Variants in OTUD7A observed in about 807,000 individuals in gnomAD.
OTUD7A encodes OTU deubiquitinase 7A, also known as OTU domain-containing protein 7A.
In OTUD7A, 12 loss-of-function variants were observed where a neutral mutation model predicts 65.7. The observed-to-expected ratio is 0.18, with a 90% CI of 0.12 to 0.30. The LOEUF is 0.30. Ranked by LOEUF, OTUD7A falls within the 10% of genes least tolerant of loss-of-function variation. The pLI is 1.00. For synonymous variants in OTUD7A, 641 were observed against 586.3 expected (o/e 1.09, Z -1.35); for missense variants, 1,148 against 1,304.8 (o/e 0.88, Z 1.85).
chr15:31,782,851 T>G (rs1270509754), intron 1 of OTUD7A, among the ~76,000 whole-genome samples: 1 of 151,888 alleles, frequency 6.6e-6, no homozygotes, highest in Non-Finnish European at 1.5e-5. Context: ...GGATCAGAGG[T>G]CCCTGTGGAA....
At chr15:31,598,398 G>A (rs556080759) in intron 3 of OTUD7A, among the ~76,000 whole-genome samples, 2 of 152,222 alleles carry the variant, frequency 1.3e-5, no homozygotes, top group East Asian at 3.9e-4. Flanking sequence ...AAGTACAAGG[G>A]GTCGGGGAAT....
intron 1 of OTUD7A, among the ~76,000 whole-genome samples, chr15:31,660,375 G>A (rs1892128547): frequency 6.6e-6 from 1 of 152,224 alleles, no homozygotes; most frequent in African/African-American, 2.4e-5. Context: ...AGGGCAGAAA[G>A]GCTTCTGTGG....
chr15:31,582,679 T>C (rs1476198760), intron 3 of OTUD7A, among the ~76,000 whole-genome samples: 1 of 152,202 alleles, frequency 6.6e-6, no homozygotes, highest in African/African-American at 2.4e-5. Flanking sequence ...TGGGGAAAAC[T>C]GCCCTCATGA....
chr15:31,777,715 C>T (rs986757467), intron 1 of OTUD7A, among the ~76,000 whole-genome samples: 3 of 152,194 alleles, frequency 2.0e-5, no homozygotes, highest in Non-Finnish European at 2.9e-5. Flanking sequence ...GAAGAGATCT[C>T]ATGGCAGCCC....
At chr15:31,791,433 T>C (rs1033079670) in intron 1 of OTUD7A, among the ~76,000 whole-genome samples, 3 of 152,186 alleles carry the variant, frequency 2.0e-5, no homozygotes, top group Non-Finnish European at 4.4e-5. Context: ...TTGTATTCCA[T>C]CATCCCACCT....
At chr15:31,699,057 A>T (rs931541282) in intron 1 of OTUD7A, among the ~76,000 whole-genome samples, 1 of 150,614 alleles carries the variant, frequency 6.6e-6, no homozygotes, top group African/African-American at 2.4e-5. Context: ...TTCTGCATCA[A>T]ACTATGAAAG....
Position 31,479,234 on chromosome 15 carries a change from C to T in OTUD7A, c.*4060G>A, listed in dbSNP as rs1056226298. On this transcript the variant is annotated 3_prime_UTR_variant, in exon 13 of 13. Transcript: ENST00000307050. ...CGGACTCAACTAGAGCAGGGGCCGC[C>T]TCTGCAGCCCAGCGAGGATGAAGCC... 6 of 152,262 alleles carry T rather than the reference C, an allele frequency of 3.9e-5. No homozygotes were observed. The highest frequency in any genetic ancestry group is 2.6e-4 in the Admixed American group (4 of 15,290). 9.4% of individuals were successfully genotyped at this position (152,262 alleles called of 1,614,324 possible). A position where few individuals can be genotyped will look rare whatever the true frequency, so the allele number is the denominator to read the frequency against.
intron 5 of OTUD7A, among the ~76,000 whole-genome samples, chr15:31,542,911 G>A (rs1888028505): frequency 6.6e-6 from 1 of 151,370 alleles, no homozygotes; most frequent in South Asian, 2.1e-4. Context: ...CAAAAAATGA[G>A]GGCAAAACAA....
chr15:31,486,200 C>G (rs1034730024), intron 12 of OTUD7A, among the ~76,000 whole-genome samples: 1 of 152,210 alleles, frequency 6.6e-6, no homozygotes, highest in Non-Finnish European at 1.5e-5. Flanking sequence ...CCACTGCCAT[C>G]ACTCCCCATG....
At chr15:31,571,347 A>G in intron 3 of OTUD7A, among the ~76,000 whole-genome samples, 1 of 152,226 alleles carries the variant, frequency 6.6e-6, no homozygotes, top group East Asian at 1.9e-4. Context: ...ACATCAAGTA[A>G]GGATGAGAAG....
chr15:31,823,713 T>C (rs1896739118), intron 1 of OTUD7A, among the ~76,000 whole-genome samples: 2 of 152,204 alleles, frequency 1.3e-5, no homozygotes, highest in South Asian at 4.1e-4. Context: ...CACGTGTACC[T>C]TAGAACCTAA....
chr15:31,644,724 C>T (rs1891613015), intron 3 of OTUD7A, among the ~76,000 whole-genome samples: 1 of 152,212 alleles, frequency 6.6e-6, no homozygotes, highest in African/African-American at 2.4e-5. Flanking sequence ...AGCGATCCTC[C>T]TGGCTTGGCC....
intron 1 of OTUD7A, among the ~76,000 whole-genome samples, chr15:31,854,394 C>A (rs899845285): frequency 6.6e-6 from 1 of 152,202 alleles, no homozygotes; most frequent in African/African-American, 2.4e-5. Context: ...TGCAGAGGTT[C>A]TGAGAATTAG....
chr15:31,670,939 G>C (rs985110010), intron 1 of OTUD7A, among the ~76,000 whole-genome samples: 1 of 151,804 alleles, frequency 6.6e-6, no homozygotes, highest in African/African-American at 2.4e-5. Context: ...AGCTTGCAGT[G>C]AGCCGAGATT....
intron 5 of OTUD7A, among the ~76,000 whole-genome samples, chr15:31,555,657 C>T (rs1251437568): frequency 6.6e-6 from 1 of 152,088 alleles, no homozygotes; most frequent in African/African-American, 2.4e-5. Context: ...AGGGTCTTCA[C>T]GTGAGTCTGA....
chr15:31,854,419 TG>T (rs891992185), intron 1 of OTUD7A, among the ~76,000 whole-genome samples: 2 of 152,198 alleles, frequency 1.3e-5, no homozygotes, highest in Non-Finnish European at 2.9e-5. Context: ...GGAACATCTC[TG>T]GGGGGTCATT....
intron 1 of OTUD7A, among the ~76,000 whole-genome samples, chr15:31,713,534 G>A (rs1229371573): frequency 3.3e-5 from 5 of 152,010 alleles, no homozygotes; most frequent in African/African-American, 4.8e-5. Flanking sequence ...CAGAAGAATC[G>A]CTTAAACCCA....
chr15:31,858,965 T>G (rs1489519338), intron 1 of OTUD7A, among the ~76,000 whole-genome samples: 1 of 152,226 alleles, frequency 6.6e-6, no homozygotes, highest in African/African-American at 2.4e-5. Flanking sequence ...CTCAGTCTCC[T>G]CAACTGTAGA....
chr15:31,540,327 A>G (rs1292865849), intron 5 of OTUD7A, among the ~76,000 whole-genome samples: 1 of 152,216 alleles, frequency 6.6e-6, no homozygotes, highest in African/African-American at 2.4e-5. Flanking sequence ...GGTCTGTGCA[A>G]TAAAGACCAA....
Sources: allele counts gnomAD v4.1 joint callset (sites outside exome capture counted in the v4.1 genomes callset), GRCh38; gene constraint gnomAD v4.1.1; transcripts MANE v1.5; gene names NCBI Gene and HGNC (gene_info 2026-07-23, HGNC 2026-07-21).